PARD3B: variants seen among roughly 807,000 people sequenced by gnomAD.
The protein encoded by PARD3B is partitioning defective 3 homolog B.
Under a neutral mutation model 130.2 loss-of-function variants are expected in PARD3B, and 103 were observed. The observed-to-expected ratio is 0.79, with a 90% CI of 0.67 to 0.93. PARD3B has a LOEUF of 0.93. PARD3B is among the 40% of genes least tolerant of loss of function. The pLI is 0.00. For synonymous variants in PARD3B, 583 were observed against 553.2 expected (o/e 1.05, Z -0.76); for missense variants, 1,609 against 1,499.2 (o/e 1.07, Z -1.21).
intron 2 of PARD3B, among the ~76,000 whole-genome samples, chr2:204,874,677 A>G (rs1028435021): frequency 3.9e-5 from 6 of 152,056 alleles, no homozygotes; most frequent in African/African-American, 9.7e-5. Flanking sequence ...TGTCACCACC[A>G]CTCCAACAGA....
At position 205,460,810 on chromosome 2, in the gene PARD3B, T is replaced by C. The variant is rs990991561; in HGVS notation, c.3044+20138T>C. ...GATCAGCAAGTTGTAGCCATTTTTT[T>C]CCTCACTTTTCTACCACTATTGGTT... On this transcript the variant is annotated intron_variant, in intron 20 of 22. Transcript: ENST00000406610. The surrounding 1 kb of genome is among the most constrained non-coding windows in gnomAD (Gnocchi z 4.9). 3.3e-5 allele frequency among the ~76,000 whole-genome samples: 5 copies of C among 152,184 alleles called. No individual in the cohort carries two copies. The highest frequency in any genetic ancestry group is 1.2e-4 in the African/African-American group (5 of 41,456).
chr2:204,858,711 T>C (rs1358646678), intron 2 of PARD3B, among the ~76,000 whole-genome samples: 1 of 149,582 alleles, frequency 6.7e-6, no homozygotes, highest in Non-Finnish European at 1.5e-5. Context: ...AGATGATGGG[T>C]GTGTTAATTT....
intron 1 of PARD3B, among the ~76,000 whole-genome samples, chr2:204,599,589 T>G (rs566707012): frequency 7.8e-4 from 118 of 152,158 alleles, no homozygotes; most frequent in African/African-American, 2.7e-3. Flanking sequence ...AGTTCATCTT[T>G]CATTGGACTC....
At position 205,615,742 on chromosome 2, in the gene PARD3B, G is replaced by T. The variant is rs368501281; in HGVS notation, c.3547G>T (p.Gly1183Cys). 1.2e-6 allele frequency: 2 copies of T among 1,613,934 alleles called. No homozygotes were observed. Among genetic ancestry groups the T allele is most frequent in the Non-Finnish European group, 1.7e-6 (2 of 1,180,024 alleles). Residue 1183 changes from glycine to cysteine, a missense_variant, in exon 23 of 23, where the codon GGC (glycine) becomes TGC (cysteine). Transcript: ENST00000406610. ...QETGRPGPRGGSPDQYPYRTQ... is the reference protein window; with the variant it reads ...QETGRPGPRGCSPDQYPYRTQ... ...AACAGGCAGACCAGGGCCCCGTGGGGGCAGCCCAGACCAGTACCCTTACCG... is the reference window on the plus strand; with the variant it reads ...AACAGGCAGACCAGGGCCCCGTGGGTGCAGCCCAGACCAGTACCCTTACCG...
chr2:205,207,680 TC>T (rs1405683355), intron 15 of PARD3B, among the ~76,000 whole-genome samples: 1 of 140,968 alleles, frequency 7.1e-6, no homozygotes, highest in Non-Finnish European at 1.5e-5. Flanking sequence ...AGAAGTTGAA[TC>T]TCTGAATAGA....
At chr2:204,736,565 A>C (rs1226184802) in intron 2 of PARD3B, among the ~76,000 whole-genome samples, 3 of 152,118 alleles carry the variant, frequency 2.0e-5, no homozygotes, top group Non-Finnish European at 4.4e-5. Context: ...TTTTTTTAGA[A>C]TACTGTCCTC....
At chr2:205,145,823 CAA>C (rs58133781) in intron 10 of PARD3B, among the ~76,000 whole-genome samples, 31 of 126,716 alleles carry the variant, frequency 2.4e-4, no homozygotes, top group African/African-American at 5.3e-4. Flanking sequence ...TCCAAGAAGT[CAA>C]AAAAAAAAAA....
intron 1 of PARD3B, among the ~76,000 whole-genome samples, chr2:204,602,508 A>G (rs937268426): frequency 3.3e-5 from 5 of 152,066 alleles, no homozygotes; most frequent in Non-Finnish European, 7.4e-5. Context: ...ATTTCTACAC[A>G]CACCATTCCT....
intron 2 of PARD3B, among the ~76,000 whole-genome samples, chr2:204,922,171 G>A (rs2047705842): frequency 6.6e-6 from 1 of 152,038 alleles, no homozygotes; most frequent in African/African-American, 2.4e-5. Context: ...GAGATTCAAC[G>A]GCCATTTTCG....
intron 15 of PARD3B, among the ~76,000 whole-genome samples, chr2:205,217,581 G>A (rs1028963829): frequency 2.0e-5 from 3 of 151,662 alleles, no homozygotes; most frequent in Non-Finnish European, 4.4e-5. Flanking sequence ...AGAATAACCA[G>A]AGAAGCTAGT....
At chr2:205,205,430 C>A (rs1253768165) in intron 15 of PARD3B, among the ~76,000 whole-genome samples, 1 of 152,002 alleles carries the variant, frequency 6.6e-6, no homozygotes. Flanking sequence ...AGTTCAATAC[C>A]CTTTATTTTT....
At chr2:205,393,830 T>C (rs904566830) in intron 18 of PARD3B, among the ~76,000 whole-genome samples, 2 of 152,122 alleles carry the variant, frequency 1.3e-5, no homozygotes, top group Non-Finnish European at 2.9e-5. Flanking sequence ...GCTGTACATA[T>C]TGTAAATTTG....
intron 20 of PARD3B, among the ~76,000 whole-genome samples, chr2:205,499,366 A>T (rs1294858828): frequency 6.6e-6 from 1 of 151,152 alleles, no homozygotes; most frequent in Non-Finnish European, 1.5e-5. Flanking sequence ...TTTTACTGTC[A>T]CCTTTTTTAC....
At chr2:204,672,548 T>TA (rs1160558737) in intron 1 of PARD3B, among the ~76,000 whole-genome samples, 3 of 152,192 alleles carry the variant, frequency 2.0e-5, no homozygotes, top group African/African-American at 4.8e-5. Context: ...CTATAAATTT[T>TA]AAAAAATGCT....
intron 5 of PARD3B, among the ~76,000 whole-genome samples, chr2:205,111,680 T>G (rs1341922184): frequency 6.6e-6 from 1 of 152,118 alleles, no homozygotes; most frequent in Non-Finnish European, 1.5e-5. Context: ...TGCCTCTAGA[T>G]ATTACATATG....
At chr2:205,168,320 A>AGAGAGAGAGAGAGAGAGTGTGT (rs371904121) in intron 11 of PARD3B, among the ~76,000 whole-genome samples, 4 of 119,766 alleles carry the variant, frequency 3.3e-5, no homozygotes, top group Non-Finnish European at 5.1e-5. Flanking sequence ...AGAGAGAGAG[A>AGAGAGAGAGAGAGAGAGTGTGT]GTGTGTGTGT....
At chr2:204,630,750 G>A (rs1034123267) in intron 1 of PARD3B, among the ~76,000 whole-genome samples, 1 of 152,090 alleles carries the variant, frequency 6.6e-6, no homozygotes, top group Admixed American at 6.6e-5. Flanking sequence ...TAGTTTATGT[G>A]TATAGAGATA....
intron 4 of PARD3B, 49 bp downstream of exon 4, chr2:205,047,739 C>T: frequency 7.4e-7 from 1 of 1,358,268 alleles, no homozygotes; most frequent in Admixed American, 2.1e-5. Flanking sequence ...AAGTGCTGTA[C>T]CCATAGGTTA....
At position 205,125,771 on chromosome 2, in the gene PARD3B, A is replaced by G; in HGVS notation, c.1434+34A>G. 1 of 1,611,568 alleles carries G rather than the reference A, an allele frequency of 6.2e-7. No individual in the cohort carries two copies. The highest frequency in any genetic ancestry group is 8.5e-7 in the Non-Finnish European group (1 of 1,178,558). ...CAGATCTCAGTCTCACTGAATTTTT[A>G]ATGCCGAGCTTAATACACTCAATGA... On this transcript the variant is annotated intron_variant, in intron 10 of 22. Coordinates refer to ENST00000406610, the MANE Select transcript of PARD3B (RefSeq NM_001302769.2). The surrounding 1 kb of genome is among the most constrained non-coding windows in gnomAD (Gnocchi z 4.0).
Sources: gnomAD v4.1 joint callset for allele counts (sites outside exome capture counted in the v4.1 genomes callset) on GRCh38, gnomAD v4.1.1 for gene constraint, Gnocchi (gnomAD v3.1) non-coding constraint, MANE v1.5 for transcripts, NCBI Gene and HGNC (gene_info 2026-07-23, HGNC 2026-07-21) for gene names.